The following TIAM1 variants were observed in gnomAD, a reference collection of about 807,000 sequenced individuals.
The protein encoded by TIAM1 is TIAM Rac1 associated GEF 1, also known as rho guanine nucleotide exchange factor TIAM1.
Under a neutral mutation model 163.5 loss-of-function variants are expected in TIAM1, and 65 were observed. The observed-to-expected ratio is 0.40, with a 90% confidence interval of 0.33 to 0.49. The LOEUF (loss-of-function observed/expected upper bound fraction) is 0.49. Among genes scored for constraint, TIAM1 ranks in the 20% least tolerant of loss-of-function variants. The pLI is 0.77. For synonymous variants in TIAM1, 833 were observed against 810.1 expected, an observed-to-expected ratio of 1.03 and a Z score of -0.48; for missense variants, 1,789 against 2,044.7, an observed-to-expected ratio of 0.87 and a Z score of 2.41.
chr21:31,168,189 T>A (rs1379673577), intron 15 of TIAM1, among the ~76,000 whole-genome samples: 3 of 150,518 alleles, frequency 2.0e-5, no homozygotes, highest in African/African-American at 7.3e-5. Flanking sequence ...GCCCCATGGG[T>A]TCAAGTGATT....
rs1453454689 is a variant in TIAM1 at position 31,537,076 on chromosome 21, C to T, written c.-422+21851G>A. Among the ~76,000 whole-genome samples the T allele has an allele frequency of 2.0e-5, 3 of 152,378 alleles. No homozygotes were observed. In the East Asian group the frequency reaches 5.8e-4, roughly 29 times the overall value. On this transcript the variant is annotated intron_variant, in intron 1 of 28. Transcript: ENST00000286827. ...TTCTTGGCTTGTGGCTGCATTGCTG[C>T]AATTCTGCCTCTGTCTTCGTGTGGC...
At chr21:31,408,297 G>C (rs2077284626) in intron 2 of TIAM1, among the ~76,000 whole-genome samples, 1 of 152,198 alleles carries the variant, frequency 6.6e-6, no homozygotes, top group Non-Finnish European at 1.5e-5. Context: ...AGAAATGAGA[G>C]TCTGTCAACT....
At chr21:31,420,106 T>C (rs1043804323) in intron 2 of TIAM1, among the ~76,000 whole-genome samples, 1 of 152,198 alleles carries the variant, frequency 6.6e-6, no homozygotes, top group African/African-American at 2.4e-5. Context: ...GAAACTTCTC[T>C]GCAATTTTTG....
intron 9 of TIAM1, among the ~76,000 whole-genome samples, chr21:31,214,184 G>C (rs776905529): frequency 2.0e-5 from 3 of 152,014 alleles, no homozygotes; most frequent in Non-Finnish European, 4.4e-5. Flanking sequence ...AATTAGCCAT[G>C]CATAGTGGCA....
intron 2 of TIAM1, among the ~76,000 whole-genome samples, chr21:31,322,791 A>C (rs2075359134): frequency 6.6e-6 from 1 of 151,452 alleles, no homozygotes; most frequent in South Asian, 2.1e-4. Flanking sequence ...TGACATTTTA[A>C]ACCTATCTAC....
chr21:31,491,497 C>T (rs2268237), intron 1 of TIAM1, among the ~76,000 whole-genome samples: 48,369 of 152,098 alleles, frequency 0.32, 8,441 homozygotes, highest in East Asian at 0.71. Flanking sequence ...AGAGGACAGG[C>T]GACCAGGACC....
rs191504703 is a variant in TIAM1 at position 31,181,202 on chromosome 21, C to G, written c.2887+1219G>C. ...TCATCTGTTCCATCACTCACTCACTCTCTTGCTGAACAAGAAAGGGCCACC... is the reference window on the plus strand; with the variant it reads ...TCATCTGTTCCATCACTCACTCACTGTCTTGCTGAACAAGAAAGGGCCACC... On this transcript the variant is annotated intron_variant, in intron 15 of 27. Coordinates refer to ENST00000541036, the MANE Select transcript of TIAM1 (RefSeq NM_001353694.2). Among the ~76,000 whole-genome samples, 55 of 152,318 alleles carry G rather than the reference C, an allele frequency of 3.6e-4. No homozygotes were observed. In the East Asian group the frequency reaches 5.4e-3, roughly 15 times the overall value.
intron 20 of TIAM1, among the ~76,000 whole-genome samples, chr21:31,144,935 T>A (rs780261013): frequency 6.6e-6 from 1 of 151,906 alleles, no homozygotes; most frequent in Non-Finnish European, 1.5e-5. Flanking sequence ...CTTATTGAAT[T>A]AAGAAAAAAT....
intron 2 of TIAM1, among the ~76,000 whole-genome samples, chr21:31,299,229 T>C (rs529307322): frequency 2.0e-5 from 3 of 152,326 alleles, no homozygotes; most frequent in Admixed American, 6.5e-5. Context: ...AAGACTTCAA[T>C]AGCTCCTTCT....
intron 8 of TIAM1, among the ~76,000 whole-genome samples, chr21:31,222,703 ATATATTTTTTTTTTTT>A (rs1276350996): frequency 3.6e-3 from 156 of 43,212 alleles, no homozygotes; most frequent in African/African-American, 0.017. Context: ...ATATATATAT[ATATATTTTTTTTTTTT>A]TTTTTTTTTT....
At chr21:31,520,688 A>T (rs2047550314) in intron 1 of TIAM1, among the ~76,000 whole-genome samples, 1 of 152,248 alleles carries the variant, frequency 6.6e-6, no homozygotes, top group Non-Finnish European at 1.5e-5. Flanking sequence ...TATGAAAGCC[A>T]TTCCTTTAGG....
intron 2 of TIAM1, among the ~76,000 whole-genome samples, chr21:31,362,560 G>A (rs756440820): frequency 9.9e-5 from 15 of 151,752 alleles, no homozygotes; most frequent in African/African-American, 2.7e-4. Flanking sequence ...TCTAGCTCCC[G>A]GGTTCAAGCG....
chr21:31,362,318 T>G (rs186949670), intron 2 of TIAM1, among the ~76,000 whole-genome samples: 5 of 152,116 alleles, frequency 3.3e-5, no homozygotes, highest in Admixed American at 2.0e-4. Flanking sequence ...CCAAGGGCAC[T>G]AGAAAGTAAG....
At chr21:31,463,526 A>G (rs2045409617) in intron 2 of TIAM1, among the ~76,000 whole-genome samples, 1 of 152,078 alleles carries the variant, frequency 6.6e-6, no homozygotes, top group African/African-American at 2.4e-5. Context: ...ATGTTAAAAA[A>G]GAAGTAAGAG....
In TIAM1 at chr21:31,308,871, T is replaced by G. The variant is rs139054571; in HGVS notation, c.-189+30372A>C. 3.0e-3 allele frequency among the ~76,000 whole-genome samples: 459 copies of G among 152,250 alleles called. 1 individual carries two copies. Among genetic ancestry groups the G allele is most frequent in the African/African-American group, 0.011 (448 of 41,544 alleles). On this transcript the variant is annotated intron_variant, in intron 2 of 27. Coordinates refer to ENST00000541036, the MANE Select transcript of TIAM1 (RefSeq NM_001353694.2). ...TTGATTCTCAATTTAACAAGTTTGGTTATCTGGTTTGACAGCCTACAGCAA... is the reference window on the plus strand; with the variant it reads ...TTGATTCTCAATTTAACAAGTTTGGGTATCTGGTTTGACAGCCTACAGCAA...
At chr21:31,453,674 C>T (rs1054611949) in intron 2 of TIAM1, among the ~76,000 whole-genome samples, 1 of 114,654 alleles carries the variant, frequency 8.7e-6, no homozygotes, top group African/African-American at 3.5e-5. Context: ...GGCAATAGAG[C>T]GAGACTCCAT....
chr21:31,304,378 T>A (rs2074615936), intron 2 of TIAM1, among the ~76,000 whole-genome samples: 1 of 152,182 alleles, frequency 6.6e-6, no homozygotes, highest in African/African-American at 2.4e-5. Flanking sequence ...GAAAAGGGAA[T>A]CAGGATACAC....
intron 2 of TIAM1, among the ~76,000 whole-genome samples, chr21:31,421,797 C>T (rs71321389): frequency 6.6e-6 from 1 of 152,006 alleles, no homozygotes; most frequent in Admixed American, 6.6e-5. Flanking sequence ...TAAGACTAGC[C>T]TGAGCAACAC....
Position 31,196,303 on chromosome 21 carries a change from CTTTTCTT to C in TIAM1, c.2494-1005_2494-999del, listed in dbSNP as rs957466971. Among the ~76,000 whole-genome samples, 17 of 150,180 alleles carry C rather than the reference CTTTTCTT, an allele frequency of 1.1e-4. No individual in the cohort carries two copies. In the East Asian group the frequency reaches 1.4e-3, roughly 12 times the overall value. On this transcript the variant is annotated intron_variant, in intron 12 of 27. Coordinates refer to ENST00000541036, the MANE Select transcript of TIAM1 (RefSeq NM_001353694.2). ...GCTGCAGAGAGAAGGGAATGCTTTT[CTTTTCTT>C]TTTTCTTTTTTTTTTTTTTCACACG... is the stretch of plus-strand genomic sequence containing the variant.
Sources: allele counts gnomAD v4.1 joint callset (sites outside exome capture counted in the v4.1 genomes callset), GRCh38; gene constraint gnomAD v4.1.1; transcripts MANE v1.5; gene names NCBI Gene and HGNC (gene_info 2026-07-23, HGNC 2026-07-21).